ZBTB20: variants seen among roughly 807,000 people sequenced by gnomAD.
ZBTB20 encodes zinc finger and BTB domain containing 20.
In ZBTB20, 9 loss-of-function variants were observed where a neutral mutation model predicts 56.9. The ratio of observed to expected loss-of-function variants is 0.16; its 90% confidence interval spans 0.10 to 0.28. ZBTB20 has a LOEUF of 0.28. Ranked by LOEUF, ZBTB20 falls within the 10% of genes least tolerant of loss-of-function variation. The pLI, the probability that ZBTB20 is intolerant of heterozygous loss-of-function variation, is 1.00. For missense variants in ZBTB20, 655 were observed against 1,003.0 expected (o/e 0.65, Z 4.69); for synonymous variants, 417 against 420.7 (o/e 0.99, Z 0.11).
At chr3:114,585,345 G>C (rs1450790005) in intron 6 of ZBTB20, among the ~76,000 whole-genome samples, 2 of 152,148 alleles carry the variant, frequency 1.3e-5, no homozygotes, top group Non-Finnish European at 2.9e-5. Context: ...TGAGTGAGGA[G>C]GAGGTTAAGG....
intron 7 of ZBTB20, among the ~76,000 whole-genome samples, chr3:114,437,596 A>G (rs1484904281): frequency 1.3e-5 from 2 of 152,154 alleles, no homozygotes; most frequent in Non-Finnish European, 2.9e-5. Flanking sequence ...CCCTGAAGAT[A>G]TTATTAGTAA....
At chr3:114,730,266 G>T (rs1207815699) in intron 5 of ZBTB20, among the ~76,000 whole-genome samples, 3 of 151,914 alleles carry the variant, frequency 2.0e-5, no homozygotes, top group Non-Finnish European at 2.9e-5. Flanking sequence ...TGAGCAACAG[G>T]ATATACATAA....
At chr3:114,883,263 T>C (rs887849454) in intron 4 of ZBTB20, among the ~76,000 whole-genome samples, 2 of 152,162 alleles carry the variant, frequency 1.3e-5, no homozygotes, top group Non-Finnish European at 2.9e-5. Context: ...AAACAAACAA[T>C]AAATGTACTG....
intron 6 of ZBTB20, among the ~76,000 whole-genome samples, chr3:114,581,279 A>G (rs918067620): frequency 1.3e-5 from 2 of 152,112 alleles, no homozygotes; most frequent in Middle Eastern, 3.4e-3. Flanking sequence ...TTCCAGAAGG[A>G]TTAGAGATCT....
chr3:114,737,400 C>T (rs192825998), intron 5 of ZBTB20, among the ~76,000 whole-genome samples: 92 of 152,082 alleles, frequency 6.0e-4, no homozygotes, highest in African/African-American at 1.9e-3. Context: ...GGGATTGAGA[C>T]GGTAAAGTAA....
rs539761371 is a variant in ZBTB20 at position 114,566,014 on chromosome 3, CT to C, written c.-294-65624del. Reference sequence around the variant, plus strand: ...ATACATACATTTTTTCTTTTTTTTTCTTTTTTTAAAAGAAACCAATCCCCCT... The same window carrying C: ...ATACATACATTTTTTCTTTTTTTTTCTTTTTTAAAAGAAACCAATCCCCCT... On this transcript the variant is annotated intron_variant, in intron 6 of 11. Coordinates refer to ENST00000675478, the MANE Select transcript of ZBTB20 (RefSeq NM_001348800.3). Among the ~76,000 whole-genome samples, 8 of 143,508 alleles carry C rather than the reference CT, an allele frequency of 5.6e-5. No individual in the cohort carries two copies. The East Asian group carries it at 1.4e-3, about 25-fold the overall frequency. The allele number at this position is 143,508 out of a possible 152,430, so 94.1% of individuals were successfully genotyped here.
intron 10 of ZBTB20, among the ~76,000 whole-genome samples, chr3:114,362,568 CA>C (rs1426468612): frequency 6.6e-6 from 1 of 152,202 alleles, no homozygotes; most frequent in African/African-American, 2.4e-5. Flanking sequence ...TACCTACCCA[CA>C]GTTCTATTTT....
At chr3:114,601,650 A>T (rs946251672) in intron 6 of ZBTB20, among the ~76,000 whole-genome samples, 8 of 152,048 alleles carry the variant, frequency 5.3e-5, no homozygotes, top group African/African-American at 1.9e-4. Context: ...GAGATGAGTT[A>T]TGGCCTAAAG....
rs143453427 is a variant in ZBTB20 at position 114,839,631 on chromosome 3, G to A, written c.-416-38457C>T. On this transcript the variant is annotated intron_variant, in intron 4 of 11. Coordinates refer to ENST00000675478, the MANE Select transcript of ZBTB20 (RefSeq NM_001348800.3). ...CCACATTCTAACCCCTGAAACCTGA[G>A]AATGTGACCTTATTTGGAAAAAGGA... Among the ~76,000 whole-genome samples, 279 of 152,266 alleles carry A rather than the reference G, an allele frequency of 1.8e-3. 2 individuals are homozygous for A. Among genetic ancestry groups the A allele is most frequent in the African/African-American group, 6.5e-3 (269 of 41,556 alleles).
chr3:114,816,848 T>C (rs1336634640), intron 4 of ZBTB20, among the ~76,000 whole-genome samples: 1 of 152,184 alleles, frequency 6.6e-6, no homozygotes, highest in African/African-American at 2.4e-5. Context: ...GCCTGCACTA[T>C]TCCTATTTCC....
At chr3:114,393,112 A>C (rs2086029446) in intron 7 of ZBTB20, among the ~76,000 whole-genome samples, 1 of 152,208 alleles carries the variant, frequency 6.6e-6, no homozygotes, top group Admixed American at 6.5e-5. Context: ...ACGCATTGAG[A>C]CATCCATTAA....
chr3:115,146,352 C>G (rs1336500266), intron 1 of ZBTB20, among the ~76,000 whole-genome samples: 1 of 141,640 alleles, frequency 7.1e-6, no homozygotes, highest in Non-Finnish European at 1.5e-5. Flanking sequence ...CTTCAGCATC[C>G]TTAAAAAGGA....
chr3:114,926,871 TG>T (rs1234067287), intron 3 of ZBTB20, among the ~76,000 whole-genome samples: 1 of 152,184 alleles, frequency 6.6e-6, no homozygotes, highest in Non-Finnish European at 1.5e-5. Flanking sequence ...CCTGAGTAGC[TG>T]GGACTACAGG....
intron 7 of ZBTB20, among the ~76,000 whole-genome samples, chr3:114,489,337 T>C (rs2109478483): frequency 6.6e-6 from 1 of 152,284 alleles, no homozygotes; most frequent in Admixed American, 6.5e-5. Context: ...TTTGACACTT[T>C]GAGATGTACA....
chr3:114,633,638 C>T (rs563572423), intron 6 of ZBTB20, among the ~76,000 whole-genome samples: 2 of 152,252 alleles, frequency 1.3e-5, no homozygotes, highest in South Asian at 4.1e-4. Flanking sequence ...CCAGAAAAAT[C>T]AGGGTCCAGT....
chr3:114,723,916 A>C (rs1053261729), intron 5 of ZBTB20, among the ~76,000 whole-genome samples: 2 of 151,444 alleles, frequency 1.3e-5, no homozygotes, highest in African/African-American at 4.9e-5. Context: ...TTGCCCAGGC[A>C]GGACTGCAGT....
rs573175480 is a variant in ZBTB20, at chr3:114,951,751, A to G, written c.-456+22615T>C. 1.8e-4 allele frequency among the ~76,000 whole-genome samples: 27 copies of G among 152,222 alleles called. No homozygotes were observed. The South Asian group carries it at 3.7e-3, about 21-fold the overall frequency. On this transcript the variant is annotated intron_variant, in intron 3 of 11. Transcript: ENST00000675478. ...AATATCTAAGAAATAATCCTAAATCACCAGGCACAAGAAGAACTAGGAACA... is the reference window on the plus strand; with the variant it reads ...AATATCTAAGAAATAATCCTAAATCGCCAGGCACAAGAAGAACTAGGAACA...
intron 4 of ZBTB20, among the ~76,000 whole-genome samples, chr3:114,862,274 C>T (rs2075569398): frequency 6.6e-6 from 1 of 152,126 alleles, no homozygotes; most frequent in South Asian, 2.1e-4. Context: ...AGGTGAGAGT[C>T]ACATGGCTAT....
At chr3:114,839,692 T>A (rs377702829) in intron 4 of ZBTB20, among the ~76,000 whole-genome samples, 1 of 152,166 alleles carries the variant, frequency 6.6e-6, no homozygotes, top group Admixed American at 6.5e-5. Context: ...GATTTCTAGA[T>A]GAGGTAATCC....
Sources: allele counts gnomAD v4.1 joint callset (sites outside exome capture counted in the v4.1 genomes callset), GRCh38; gene constraint gnomAD v4.1.1; transcripts MANE v1.5; gene names NCBI Gene and HGNC (gene_info 2026-07-23, HGNC 2026-07-21).